MORC1: variants seen among roughly 807,000 people sequenced by gnomAD.
MORC1 encodes MORC family CW-type zinc finger 1.
A neutral mutation model predicts 134.9 loss-of-function variants in MORC1; 59 were observed. The ratio of observed to expected loss-of-function variants is 0.44; its 90% CI spans 0.35 to 0.54. The LOEUF is 0.54. Among genes scored for constraint, MORC1 ranks in the 20% least tolerant of loss-of-function variants. The probability of loss-of-function intolerance (pLI) is 0.00; values close to 1 mark genes in which losing one functional copy is unlikely to be tolerated. For missense variants in MORC1, 947 were observed against 1,134.5 expected (o/e 0.83, Z 2.37); for synonymous variants, 395 against 391.7 (o/e 1.01, Z -0.10).
intron 16 of MORC1, among the ~76,000 whole-genome samples, chr3:109,028,637 G>A (rs550680829): frequency 1.3e-5 from 2 of 152,286 alleles, no homozygotes; most frequent in African/African-American, 4.8e-5. Context: ...AACCCTCAAA[G>A]CATATGGTTT....
chr3:108,971,315 A>G lies in MORC1; in HGVS notation c.2550+15T>C. 1 of 1,611,662 alleles carries G rather than the reference A, an allele frequency of 6.2e-7. No individual in the cohort carries two copies. Among genetic ancestry groups the G allele is most frequent in the Non-Finnish European group, 8.5e-7 (1 of 1,178,370 alleles). ...TTCTATCATTCCCTCACAGTTCCAA[A>G]AAAAACCAGCTTACCTCACAACTTA... On this transcript the variant is annotated intron_variant, in intron 25 of 27. Transcript: ENST00000232603.
intron 13 of MORC1, among the ~76,000 whole-genome samples, chr3:109,056,203 A>G (rs1187756560): frequency 6.6e-6 from 1 of 152,132 alleles, no homozygotes; most frequent in Admixed American, 6.5e-5. Context: ...GATTTAAGCA[A>G]GAAATCCAAC....
At chr3:108,970,001 C>T (rs112580044) in intron 25 of MORC1, among the ~76,000 whole-genome samples, 6 of 152,120 alleles carry the variant, frequency 3.9e-5, no homozygotes, top group East Asian at 3.9e-4. Context: ...GAAAATTAAG[C>T]GATAAAATAA....
intron 14 of MORC1, among the ~76,000 whole-genome samples, chr3:109,040,204 A>C (rs1392232381): frequency 1.3e-5 from 2 of 151,748 alleles, no homozygotes; most frequent in Admixed American, 1.3e-4. Flanking sequence ...CGGCAAAAAA[A>C]GAAATCACAA....
At chr3:108,972,923 G>A (rs1411411092) in intron 24 of MORC1, among the ~76,000 whole-genome samples, 1 of 152,146 alleles carries the variant, frequency 6.6e-6, no homozygotes, top group Non-Finnish European at 1.5e-5. Context: ...TACTAGGGAA[G>A]GGGAAAAACC....
At chr3:109,061,062 G>A (rs888841503) in intron 11 of MORC1, among the ~76,000 whole-genome samples, 7 of 151,572 alleles carry the variant, frequency 4.6e-5, no homozygotes, top group African/African-American at 7.3e-5. Context: ...GCATTACCAC[G>A]AGCTACTCTT....
chr3:109,110,910 C>T (rs1234784879), intron 2 of MORC1, 127 bp from the exon 3 acceptor site: 11 of 630,918 alleles, frequency 1.7e-5, no homozygotes, highest in Admixed American at 3.7e-5. Flanking sequence ...ATTTCTAAAA[C>T]GTTTCACCGT....
intron 17 of MORC1, among the ~76,000 whole-genome samples, chr3:109,022,160 T>C (rs1353400591): frequency 6.6e-6 from 1 of 152,224 alleles, no homozygotes. Context: ...TCACAAATTT[T>C]AGATCATGAC....
At chr3:109,084,876 A>G (rs1316124707) in intron 8 of MORC1, among the ~76,000 whole-genome samples, 2 of 152,136 alleles carry the variant, frequency 1.3e-5, no homozygotes, top group Non-Finnish European at 2.9e-5. Flanking sequence ...TGACAAAGCC[A>G]TCAAAAATGT....
At chr3:109,111,000 G>A (rs1185309961) in intron 2 of MORC1, among the ~76,000 whole-genome samples, 1 of 140,374 alleles carries the variant, frequency 7.1e-6, no homozygotes, top group Admixed American at 7.5e-5. Context: ...TGAAAGAAGA[G>A]ATGGAATTTA....
At chr3:109,037,552 G>A (rs566364093) in intron 14 of MORC1, among the ~76,000 whole-genome samples, 10 of 152,174 alleles carry the variant, frequency 6.6e-5, no homozygotes, top group Admixed American at 1.3e-4. Flanking sequence ...TCAACTCGTC[G>A]TTTACATTAG....
At chr3:109,064,943 C>T (rs1167986593) in intron 9 of MORC1, among the ~76,000 whole-genome samples, 1 of 152,114 alleles carries the variant, frequency 6.6e-6, no homozygotes, top group African/African-American at 2.4e-5. Flanking sequence ...AGATTTTGTT[C>T]AGGATAAAAA....
chr3:109,001,583 T>C (rs1233279661), intron 20 of MORC1, among the ~76,000 whole-genome samples: 1 of 152,172 alleles, frequency 6.6e-6, no homozygotes, highest in Admixed American at 6.5e-5. Flanking sequence ...ATCACCCTTT[T>C]CCCCCATTTT....
intron 1 of MORC1, among the ~76,000 whole-genome samples, chr3:109,115,556 C>T (rs1252291389): frequency 6.6e-6 from 1 of 152,084 alleles, no homozygotes; most frequent in Non-Finnish European, 1.5e-5. Flanking sequence ...ATACGATATG[C>T]TTTACAAAAT....
intron 14 of MORC1, among the ~76,000 whole-genome samples, chr3:109,045,389 C>T (rs1219547615): frequency 6.6e-6 from 1 of 152,104 alleles, no homozygotes; most frequent in African/African-American, 2.4e-5. Context: ...AAGGTGGGAT[C>T]GCTTATCATC....
At chr3:109,001,127 T>C (rs911104629) in intron 20 of MORC1, among the ~76,000 whole-genome samples, 5 of 152,250 alleles carry the variant, frequency 3.3e-5, no homozygotes, top group Admixed American at 1.3e-4. Flanking sequence ...TTAGCTTATC[T>C]TTCTTTTTAT....
At chr3:109,042,106 C>T (rs1228377438) in intron 14 of MORC1, among the ~76,000 whole-genome samples, 1 of 152,018 alleles carries the variant, frequency 6.6e-6, no homozygotes, top group African/African-American at 2.4e-5. Context: ...CATTAGAATC[C>T]TACTCATTAG....
At chr3:109,083,215 T>C (rs532765559) in intron 8 of MORC1, among the ~76,000 whole-genome samples, 2 of 152,070 alleles carry the variant, frequency 1.3e-5, no homozygotes, top group South Asian at 2.1e-4. Context: ...AGATACAGCA[T>C]TTCCTAGACA....
At chr3:109,042,599 A>C (rs1427243382) in intron 14 of MORC1, among the ~76,000 whole-genome samples, 1 of 152,224 alleles carries the variant, frequency 6.6e-6, no homozygotes, top group Non-Finnish European at 1.5e-5. Context: ...AAAGGAAATG[A>C]AATCAGTATG....
Sources: allele counts gnomAD v4.1 joint callset (sites outside exome capture counted in the v4.1 genomes callset), GRCh38; gene constraint gnomAD v4.1.1; transcripts MANE v1.5; gene names NCBI Gene and HGNC (gene_info 2026-07-23, HGNC 2026-07-21).